Variants in LRP1B observed in about 807,000 individuals in gnomAD.
LRP1B encodes the protein low-density lipoprotein receptor-related protein 1B.
LRP1B carries 217 observed loss-of-function variants against 556.6 expected under a neutral mutation model. The ratio of observed to expected loss-of-function variants is 0.39; its 90% CI spans 0.35 to 0.44. The LOEUF is 0.44. LRP1B is among the 20% of genes least tolerant of loss of function. The probability of loss-of-function intolerance (pLI) is 1.00; values close to 1 mark genes in which losing one functional copy is unlikely to be tolerated. For synonymous variants in LRP1B, 2,047 were observed against 1,865.8 expected, an observed-to-expected ratio of 1.10 and a Z score of -2.50; for missense variants, 5,053 against 5,620.8, an observed-to-expected ratio of 0.90 and a Z score of 3.23.
At position 141,162,591 on chromosome 2, in the gene LRP1B, A is replaced by C. The variant is rs565298276; in HGVS notation, c.1013+25830T>G. ...ATCTAGGAAACTCTGGCAGGCAAGGAAGTTAGCTTGCAAATAGGATAAAAT... is the reference window on the plus strand; with the variant it reads ...ATCTAGGAAACTCTGGCAGGCAAGGCAGTTAGCTTGCAAATAGGATAAAAT... On this transcript the variant is annotated intron_variant, in intron 7 of 90. Transcript: ENST00000389484. Among the ~76,000 whole-genome samples the C allele has an allele frequency of 2.6e-5, 4 of 152,228 alleles. No homozygotes were observed. In the South Asian group the frequency reaches 8.3e-4, roughly 32 times the overall value.
chr2:142,058,285 T>C (rs1056250432), intron 1 of LRP1B, among the ~76,000 whole-genome samples: 1 of 152,110 alleles, frequency 6.6e-6, no homozygotes, highest in Non-Finnish European at 1.5e-5. Flanking sequence ...GTATATACCA[T>C]GATATAACTT....
At chr2:140,789,887 C>T (rs963034273) in intron 32 of LRP1B, among the ~76,000 whole-genome samples, 2 of 151,840 alleles carry the variant, frequency 1.3e-5, no homozygotes, top group African/African-American at 4.8e-5. Flanking sequence ...GCCTCGGCCT[C>T]CCAAAGTGCT....
intron 59 of LRP1B, among the ~76,000 whole-genome samples, chr2:140,481,862 A>T (rs572158699): frequency 6.6e-6 from 1 of 152,158 alleles, no homozygotes; most frequent in South Asian, 2.1e-4. Flanking sequence ...TTCCAACTGT[A>T]TAAGTTCCTT....
intron 83 of LRP1B, among the ~76,000 whole-genome samples, chr2:140,309,324 TTATACTTCTA>T (rs1167494824): frequency 2.6e-5 from 4 of 151,828 alleles, no homozygotes; most frequent in Admixed American, 1.3e-4. Flanking sequence ...CACAATTTAT[TTATACTTCTA>T]TATACTTCTA....
At chr2:141,560,838 G>T (rs1204788626) in intron 2 of LRP1B, among the ~76,000 whole-genome samples, 1 of 151,580 alleles carries the variant, frequency 6.6e-6, no homozygotes, top group Non-Finnish European at 1.5e-5. Context: ...AGAGGAAATT[G>T]TGTCAGGAAA....
intron 17 of LRP1B, among the ~76,000 whole-genome samples, chr2:140,985,995 T>A (rs979919402): frequency 1.3e-5 from 2 of 151,870 alleles, no homozygotes; most frequent in Non-Finnish European, 2.9e-5. Context: ...TTTATTTTTT[T>A]AATTTCTGGA....
intron 3 of LRP1B, among the ~76,000 whole-genome samples, chr2:141,314,988 C>T (rs1029910886): frequency 6.7e-6 from 1 of 148,874 alleles, no homozygotes; most frequent in Non-Finnish European, 1.5e-5. Flanking sequence ...AAGAATTAAA[C>T]ATTACATATT....
At chr2:142,049,018 T>C (rs563561243) in intron 1 of LRP1B, among the ~76,000 whole-genome samples, 18 of 152,198 alleles carry the variant, frequency 1.2e-4, no homozygotes, top group African/African-American at 2.4e-4. Flanking sequence ...TCTCAAAGCA[T>C]TGGACAATTT....
chr2:140,268,083 G>A (rs1158937), intron 86 of LRP1B, among the ~76,000 whole-genome samples: 1 of 151,906 alleles, frequency 6.6e-6, no homozygotes, highest in Non-Finnish European at 1.5e-5. Context: ...ATTTTGCCCA[G>A]AATTAGTGAG....
intron 17 of LRP1B, among the ~76,000 whole-genome samples, chr2:140,984,154 A>T (rs1696851994): frequency 6.6e-6 from 1 of 151,902 alleles, no homozygotes; most frequent in South Asian, 2.1e-4. Flanking sequence ...TAGAAGTGTG[A>T]GAGAGATTAA....
At chr2:141,676,384 A>C (rs1239031196) in intron 2 of LRP1B, among the ~76,000 whole-genome samples, 1 of 152,142 alleles carries the variant, frequency 6.6e-6, no homozygotes, top group Non-Finnish European at 1.5e-5. Flanking sequence ...GCCTCTAATC[A>C]ATTCCAAACC....
At chr2:140,745,601 GAGTTC>G (rs1688288726) in intron 35 of LRP1B, among the ~76,000 whole-genome samples, 1 of 151,978 alleles carries the variant, frequency 6.6e-6, no homozygotes, top group Non-Finnish European at 1.5e-5. Flanking sequence ...CTCATTTTGT[GAGTTC>G]ACCCTCTCTT....
intron 75 of LRP1B, among the ~76,000 whole-genome samples, chr2:140,354,276 A>G (rs776514582): frequency 2.6e-5 from 4 of 152,064 alleles, no homozygotes; most frequent in Non-Finnish European, 4.4e-5. Flanking sequence ...GCACACAAAC[A>G]ATGTTCTAAG....
intron 1 of LRP1B, among the ~76,000 whole-genome samples, chr2:142,099,833 T>C (rs1428017186): frequency 1.3e-5 from 2 of 151,970 alleles, no homozygotes; most frequent in Non-Finnish European, 2.9e-5. Flanking sequence ...TTTAAAATTC[T>C]AAATTTCCCA....
At chr2:141,910,910 A>G (rs1341005247) in intron 1 of LRP1B, among the ~76,000 whole-genome samples, 3 of 152,104 alleles carry the variant, frequency 2.0e-5, no homozygotes, top group African/African-American at 7.2e-5. Context: ...GCATATATTC[A>G]GGAATTTTGC....
intron 41 of LRP1B, among the ~76,000 whole-genome samples, chr2:140,644,246 T>C (rs1375206787): frequency 1.3e-5 from 2 of 152,184 alleles, no homozygotes; most frequent in Non-Finnish European, 2.9e-5. Flanking sequence ...TATAAATGTA[T>C]ATCTATTAAT....
At chr2:140,702,774 C>A (rs1347974522) in intron 37 of LRP1B, among the ~76,000 whole-genome samples, 1 of 152,030 alleles carries the variant, frequency 6.6e-6, no homozygotes, top group Non-Finnish European at 1.5e-5. Context: ...CACTCAACAT[C>A]CTACCAAAAT....
At position 141,247,327 on chromosome 2, in the gene LRP1B, G is replaced by A. The variant is rs751296457; in HGVS notation, c.491C>T (p.Thr164Ile). The A allele has an allele frequency of 2.5e-6, 4 of 1,613,748 alleles. No homozygotes were observed. The highest frequency in any genetic ancestry group is 4.5e-5 in the East Asian group (2 of 44,842). ...KDQDECAVYG[T>I]CSQTCRNTHG... is the part of the protein sequence containing the mutation. ...TGTGTTTCTGCAGGTCTGGCTGCATGTACCATAAACAGCACATTCATCTTG... is the reference window on the plus strand; with the variant it reads ...TGTGTTTCTGCAGGTCTGGCTGCATATACCATAAACAGCACATTCATCTTG... The change falls in exon 5 of 91, where the codon ACA (threonine) becomes ATA (isoleucine). Residue 164 changes from threonine to isoleucine, a missense_variant. Thr to Ile is a moderately conservative substitution (Grantham distance 89). Around this residue, in one of 5 missense-constraint regions of LRP1B, gnomAD observed 3,619 missense variants for 3,931.9 expected, o/e 0.92. Coordinates refer to ENST00000389484, the MANE Select transcript of LRP1B (RefSeq NM_018557.3).
intron 20 of LRP1B, among the ~76,000 whole-genome samples, chr2:140,935,329 C>T (rs191152333): frequency 6.6e-6 from 1 of 152,028 alleles, no homozygotes; most frequent in Non-Finnish European, 1.5e-5. Flanking sequence ...ATTTTGATAT[C>T]TTTAAAGAGC....
Sources: allele counts gnomAD v4.1 joint callset (sites outside exome capture counted in the v4.1 genomes callset), GRCh38; gene constraint gnomAD v4.1.1; regional missense constraint gnomAD v4.1.1; transcripts MANE v1.5; gene names NCBI Gene and HGNC (gene_info 2026-07-23, HGNC 2026-07-21).